Variants in STXBP5L observed in about 807,000 individuals in gnomAD.
STXBP5L encodes the protein syntaxin-binding protein 5-like.
In STXBP5L, 65 loss-of-function variants were observed where a neutral mutation model predicts 144.5. That is an observed-to-expected ratio of 0.45 (90% CI 0.37 to 0.55). The LOEUF (loss-of-function observed/expected upper bound fraction) is 0.55, where lower values mean the gene tolerates loss of function less well. STXBP5L is among the 20% of genes least tolerant of loss of function. The probability of loss-of-function intolerance (pLI) is 0.00; values close to 1 mark genes in which losing one functional copy is unlikely to be tolerated. For synonymous variants in STXBP5L, 505 were observed against 469.6 expected, an observed-to-expected ratio of 1.08 and a Z score of -0.97; for missense variants, 1,298 against 1,405.5, an observed-to-expected ratio of 0.92 and a Z score of 1.22.
At chr3:121,165,963 C>A (rs1054761381) in intron 9 of STXBP5L, among the ~76,000 whole-genome samples, 4 of 8,868 alleles carry the variant, frequency 4.5e-4, no homozygotes, top group Admixed American at 2.9e-3. Flanking sequence ...AAATATCGCC[C>A]CTGTTCCATT....
intron 7 of STXBP5L, among the ~76,000 whole-genome samples, chr3:121,137,929 G>A (rs2045336046): frequency 6.6e-6 from 1 of 152,104 alleles, no homozygotes; most frequent in Non-Finnish European, 1.5e-5. Context: ...GTCCTGACCA[G>A]AGCAACTAGG....
At chr3:121,032,574 A>T (rs1038539235) in intron 3 of STXBP5L, among the ~76,000 whole-genome samples, 2 of 147,920 alleles carry the variant, frequency 1.4e-5, no homozygotes, top group Non-Finnish European at 3.0e-5. Context: ...GACAAATGGG[A>T]TCTAATTAAA....
chr3:121,191,350 CAACACGGCGA>C (rs1289561158), intron 9 of STXBP5L, among the ~76,000 whole-genome samples: 1 of 152,156 alleles, frequency 6.6e-6, no homozygotes, highest in Non-Finnish European at 1.5e-5. Flanking sequence ...CCAGCCCGGC[CAACACGGCGA>C]AACCCTGTCT....
chr3:121,395,820 T>G (rs573695469), intron 22 of STXBP5L, among the ~76,000 whole-genome samples: 3 of 152,332 alleles, frequency 2.0e-5, no homozygotes, highest in Admixed American at 6.5e-5. Context: ...CTTCTTGATC[T>G]GTCCCCAGGT....
rs144344217 is a variant in STXBP5L at position 121,356,399 on chromosome 3, G to A, written c.2177-22317G>A. Among the ~76,000 whole-genome samples the A allele has an allele frequency of 3.2e-4, 49 of 152,352 alleles. 1 individual carries two copies. The East Asian group carries it at 8.3e-3, about 26-fold the overall frequency. On this transcript the variant is annotated intron_variant, in intron 20 of 26. Coordinates refer to ENST00000471454, the MANE Select transcript of STXBP5L (RefSeq NM_001308330.2). Reference sequence around the variant, plus strand: ...TACCTACTGAAGCCTCAGCAATGGCGGATGCCCCTCCCCAAGCCAGGCTGC... The same window carrying A: ...TACCTACTGAAGCCTCAGCAATGGCAGATGCCCCTCCCCAAGCCAGGCTGC...
chr3:121,175,259 A>C (rs1434197433), intron 9 of STXBP5L, among the ~76,000 whole-genome samples: 1 of 152,144 alleles, frequency 6.6e-6, no homozygotes, highest in Non-Finnish European at 1.5e-5. Flanking sequence ...ACATCTCTAG[A>C]GAAATTTGAA....
intron 5 of STXBP5L, among the ~76,000 whole-genome samples, chr3:121,052,638 C>T (rs1302985412): frequency 2.6e-5 from 4 of 152,128 alleles, no homozygotes; most frequent in African/African-American, 9.7e-5. Context: ...CAGTCAATAT[C>T]ATATTGAATG....
At chr3:121,191,623 G>A (rs1038401202) in intron 9 of STXBP5L, among the ~76,000 whole-genome samples, 1 of 152,078 alleles carries the variant, frequency 6.6e-6, no homozygotes, top group Non-Finnish European at 1.5e-5. Flanking sequence ...GATGGGGATG[G>A]CATTGATTTT....
intron 3 of STXBP5L, among the ~76,000 whole-genome samples, chr3:120,974,953 G>A (rs969212226): frequency 6.6e-6 from 1 of 152,180 alleles, no homozygotes; most frequent in African/African-American, 2.4e-5. Context: ...TAGCCTTGTA[G>A]TATAGTTTGA....
chr3:121,203,395 C>T (rs2048213901), intron 9 of STXBP5L, among the ~76,000 whole-genome samples: 1 of 152,114 alleles, frequency 6.6e-6, no homozygotes, highest in Non-Finnish European at 1.5e-5. Context: ...ATGCTTATCA[C>T]TCATTTCATT....
intron 19 of STXBP5L, among the ~76,000 whole-genome samples, chr3:121,314,961 C>T (rs1011008746): frequency 2.0e-4 from 30 of 152,074 alleles, no homozygotes; most frequent in Non-Finnish European, 3.1e-4. Context: ...GTTAGAATGG[C>T]AATCATTAAA....
chr3:121,386,123 G>T (rs751665499), intron 22 of STXBP5L, among the ~76,000 whole-genome samples: 2 of 151,984 alleles, frequency 1.3e-5, no homozygotes, highest in Non-Finnish European at 2.9e-5. Flanking sequence ...TAATAACATT[G>T]TAAAATCAAA....
chr3:120,952,652 A>G (rs1711345242), intron 2 of STXBP5L, among the ~76,000 whole-genome samples: 1 of 151,064 alleles, frequency 6.6e-6, no homozygotes, highest in South Asian at 2.1e-4. Flanking sequence ...AGTGACTTCA[A>G]CTCACCGTTT....
chr3:121,150,101 T>A (rs763960635), intron 7 of STXBP5L, among the ~76,000 whole-genome samples: 2 of 152,126 alleles, frequency 1.3e-5, no homozygotes, highest in Non-Finnish European at 2.9e-5. Flanking sequence ...TCATGACTTC[T>A]AATTTTATTT....
chr3:121,189,737 GT>G (rs200089880), intron 9 of STXBP5L, among the ~76,000 whole-genome samples: 18 of 151,714 alleles, frequency 1.2e-4, no homozygotes, highest in African/African-American at 1.7e-4. Flanking sequence ...CTTTAAAATA[GT>G]TTTTTTTGTT....
chr3:121,407,832 ATATT>A (rs1204801952), intron 23 of STXBP5L, among the ~76,000 whole-genome samples: 1 of 152,020 alleles, frequency 6.6e-6, no homozygotes, highest in Non-Finnish European at 1.5e-5. Context: ...TGAGTGAAAT[ATATT>A]TTTAATTGTT....
chr3:121,192,408 A>G (rs1204273265), intron 9 of STXBP5L, among the ~76,000 whole-genome samples: 3 of 152,236 alleles, frequency 2.0e-5, no homozygotes, highest in South Asian at 2.1e-4. Flanking sequence ...AAGTTAATTT[A>G]TAGATTCAAT....
chr3:121,404,995 G>A (rs984793654), intron 22 of STXBP5L, among the ~76,000 whole-genome samples: 1 of 152,124 alleles, frequency 6.6e-6, no homozygotes, highest in Non-Finnish European at 1.5e-5. Context: ...GCAGATGGCT[G>A]CCTTCTTGCT....
chr3:120,951,583 T>G (rs991017111), intron 2 of STXBP5L, among the ~76,000 whole-genome samples: 3 of 152,048 alleles, frequency 2.0e-5, no homozygotes, highest in Admixed American at 2.0e-4. Context: ...ATCGGAGAAA[T>G]GCAAATCAGA....
Sources: gnomAD v4.1 joint callset for allele counts (sites outside exome capture counted in the v4.1 genomes callset) on GRCh38, gnomAD v4.1.1 for gene constraint, MANE v1.5 for transcripts, NCBI Gene and HGNC (gene_info 2026-07-23, HGNC 2026-07-21) for gene names.